Variants in KLF15 observed in about 807,000 individuals in gnomAD.
KLF15 encodes KLF transcription factor 15, also known as Krueppel-like factor 15.
Under a neutral mutation model 24.6 loss-of-function variants are expected in KLF15, and 4 were observed. The ratio of observed to expected loss-of-function variants is 0.16; its 90% CI spans 0.08 to 0.37. KLF15 has a LOEUF of 0.37. Among genes scored for constraint, KLF15 ranks in the 10% least tolerant of loss-of-function variants. KLF15 has a pLI of 1.00. For missense variants in KLF15, 496 were observed against 560.6 expected (o/e 0.88, Z 1.16); for synonymous variants, 246 against 236.3 (o/e 1.04, Z -0.37).
At chr3:126,314,427 C>T in the KLF15 span, among the ~76,000 whole-genome samples, 7 of 152,164 alleles carry the variant, frequency 4.6e-5, no homozygotes, top group South Asian at 2.1e-4. Flanking sequence ...CCTGACTGAC[C>T]GCTTGGGGAA....
the KLF15 span, among the ~76,000 whole-genome samples, chr3:126,309,140 A>G: frequency 6.6e-6 from 1 of 152,250 alleles, no homozygotes. Flanking sequence ...GTCAGGAGTC[A>G]ATGAACTGCT....
chr3:126,313,988 G>A, the KLF15 span, among the ~76,000 whole-genome samples: 16 of 152,258 alleles, frequency 1.1e-4, no homozygotes, highest in African/African-American at 3.9e-4. Flanking sequence ...TGTGTTGCCA[G>A]TGACTGCTTC....
In KLF15 at chr3:126,343,301, C is replaced by G. The variant is rs2082497512; in HGVS notation, c.*426G>C. 5.2e-6 allele frequency: 1 copy of G among 191,632 alleles called. No homozygotes were observed. The highest frequency in any genetic ancestry group is 9.4e-5 in the South Asian group (1 of 10,662). 11.9% of individuals were successfully genotyped at this position (191,632 alleles called of 1,614,324 possible). Reference sequence around the variant, plus strand: ...CCTACTTCCTTCTCCTCCAGCATGACTCTCTCTGGAAACCCAACATTTCAA... The same window carrying G: ...CCTACTTCCTTCTCCTCCAGCATGAGTCTCTCTGGAAACCCAACATTTCAA... On this transcript the variant is annotated 3_prime_UTR_variant, in exon 3 of 3. Coordinates refer to ENST00000296233, the MANE Select transcript of KLF15 (RefSeq NM_014079.4).
At chr3:126,323,421 A>ATATATATATAACATATATATGT in the KLF15 span, among the ~76,000 whole-genome samples, 1 of 35,482 alleles carries the variant, frequency 2.8e-5, no homozygotes, top group African/African-American at 1.2e-4. Context: ...ATATATATAT[A>ATATATATATAACATATATATGT]TATATATATA....
intron 2 of KLF15, among the ~76,000 whole-genome samples, chr3:126,345,581 T>C (rs2082529288): frequency 6.8e-6 from 1 of 146,354 alleles, no homozygotes; most frequent in African/African-American, 2.5e-5. Context: ...AGGCACAAAT[T>C]CATGCCCCCA....
chr3:126,342,812 T>G lies in KLF15; in HGVS notation c.*915A>C, dbSNP rs1305713159. 6.6e-6 allele frequency: 1 copy of G among 152,642 alleles called. No homozygotes were observed. The highest frequency in any genetic ancestry group is 1.5e-5 in the Non-Finnish European group (1 of 68,036). The allele number at this position is 152,642 out of a possible 1,614,324, so 9.5% of individuals were successfully genotyped here. ...TATGTGGATGGACCTATGTACAGTTTATTTACATACATTCATAGGATGTGA... is the reference window on the plus strand; with the variant it reads ...TATGTGGATGGACCTATGTACAGTTGATTTACATACATTCATAGGATGTGA... On this transcript the variant is annotated 3_prime_UTR_variant, in exon 3 of 3. Coordinates refer to ENST00000296233, the MANE Select transcript of KLF15 (RefSeq NM_014079.4).
chr3:126,308,146 G>A, the KLF15 span, among the ~76,000 whole-genome samples: 3 of 152,206 alleles, frequency 2.0e-5, no homozygotes, highest in Non-Finnish European at 4.4e-5. Context: ...CAGACTCTGA[G>A]ATGGACAGAG....
the KLF15 span, among the ~76,000 whole-genome samples, chr3:126,324,769 A>G: frequency 2.1e-5 from 1 of 48,076 alleles, no homozygotes; most frequent in Non-Finnish European, 4.7e-5. Context: ...TTTTTTTTTC[A>G]TTGATCTTTT....
the KLF15 span, among the ~76,000 whole-genome samples, chr3:126,293,439 G>T: frequency 1.3e-5 from 2 of 152,192 alleles, no homozygotes; most frequent in African/African-American, 2.4e-5. Context: ...CATTCCAGGA[G>T]CCTCCTCGGG....
Position 126,343,824 on chromosome 3 carries a change from A to G in KLF15, c.1154T>C (p.Val385Ala). Residue 385 changes from valine to alanine, a missense_variant, in exon 3 of 3, where the codon GTG becomes GCG. Around this residue, in one of 3 missense-constraint regions of KLF15, gnomAD observed 59 missense variants for 106.1 expected, o/e 0.56. Transcript: ENST00000296233. ...HSGVKPYQCP[V>A]CEKKFARSDH... is the part of the protein sequence containing the mutation. Reference sequence around the variant, plus strand: ...GCTCCGCGCGAACTTCTTCTCGCACACAGGACACTGGTACGGCTTCACACC... The same window carrying G: ...GCTCCGCGCGAACTTCTTCTCGCACGCAGGACACTGGTACGGCTTCACACC... The G allele has an allele frequency of 6.2e-7, 1 of 1,611,712 alleles. No individual in the cohort carries two copies. The highest frequency in any genetic ancestry group is 8.5e-7 in the Non-Finnish European group (1 of 1,179,876).
chr3:126,322,259 T>C, the KLF15 span, among the ~76,000 whole-genome samples: 3 of 152,166 alleles, frequency 2.0e-5, no homozygotes, highest in African/African-American at 4.8e-5. Flanking sequence ...GTTATTTTCT[T>C]ACAGTTCTGG....
chr3:126,316,431 C>T, the KLF15 span, among the ~76,000 whole-genome samples: 2 of 30,442 alleles, frequency 6.6e-5, no homozygotes, highest in Non-Finnish European at 1.2e-4. Flanking sequence ...GAAGGGAGTG[C>T]ATGGGCCTGA....
the KLF15 span, chr3:126,290,555 T>C: frequency 1.8e-5 from 2 of 111,268 alleles, no homozygotes; most frequent in African/African-American, 4.1e-5. Context: ...TTCCTCTGTC[T>C]CACAAGAATT....
chr3:126,353,373 C>A (rs967322369), intron 1 of KLF15, among the ~76,000 whole-genome samples: 1 of 152,188 alleles, frequency 6.6e-6, no homozygotes, highest in South Asian at 2.1e-4. Context: ...CTCAGCTTCA[C>A]GCCTGTTGAG....
At chr3:126,350,774 A>C (rs543342917) in intron 2 of KLF15, among the ~76,000 whole-genome samples, 2 of 152,038 alleles carry the variant, frequency 1.3e-5, no homozygotes, top group African/African-American at 4.8e-5. Context: ...ATGCATACAC[A>C]TGTGGGTGTG....
the KLF15 span, among the ~76,000 whole-genome samples, chr3:126,321,233 C>G: frequency 6.6e-6 from 1 of 152,222 alleles, no homozygotes; most frequent in Admixed American, 6.5e-5. Flanking sequence ...CCTTTCCCAG[C>G]AAGGGGCCAG....
chr3:126,326,626 C>T, the KLF15 span, among the ~76,000 whole-genome samples: 3 of 152,138 alleles, frequency 2.0e-5, no homozygotes, highest in Admixed American at 2.0e-4. Context: ...GATCGCACAC[C>T]CTGAACGAAT....
chr3:126,289,742 C>T, the KLF15 span, among the ~76,000 whole-genome samples: 11 of 152,106 alleles, frequency 7.2e-5, no homozygotes, highest in Non-Finnish European at 5.9e-5. Context: ...TTTATCATTC[C>T]GTTTGTGACT....
At chr3:126,320,774 A>G in the KLF15 span, among the ~76,000 whole-genome samples, 1 of 151,174 alleles carries the variant, frequency 6.6e-6, no homozygotes, top group Non-Finnish European at 1.5e-5. Context: ...GCCTTTCCCA[A>G]CTCAGCTGGA....
Sources: gnomAD v4.1 joint callset for allele counts (sites outside exome capture counted in the v4.1 genomes callset) on GRCh38, gnomAD v4.1.1 for gene constraint, gnomAD v4.1.1 regional missense constraint, MANE v1.5 for transcripts, NCBI Gene and HGNC (gene_info 2026-07-23, HGNC 2026-07-21) for gene names.